POLD1: variants seen among roughly 807,000 people sequenced by gnomAD.
The protein encoded by POLD1 is DNA polymerase delta catalytic subunit.
In POLD1, 79 loss-of-function variants were observed where a neutral mutation model predicts 129.7. That is an observed-to-expected ratio of 0.61 (90% confidence interval 0.51 to 0.73). The LOEUF is 0.73. Among genes scored for constraint, POLD1 ranks in the 30% least tolerant of loss-of-function variants. POLD1 has a pLI of 0.00. For synonymous variants in POLD1, 714 were observed against 683.3 expected (o/e 1.04, Z -0.70); for missense variants, 1,338 against 1,595.8 (o/e 0.84, Z 2.75).
chr19:50,417,693 G>T, intron 26 of POLD1, 149 bp from the exon 27 acceptor site: 1 of 86,934 alleles, frequency 1.2e-5, no homozygotes, highest in Non-Finnish European at 2.7e-5. Flanking sequence ...CCCCCCCCGT[G>T]CCTGCTGAGC....
At chr19:50,386,339 T>C (rs976819704) in intron 1 of POLD1, among the ~76,000 whole-genome samples, 1 of 151,936 alleles carries the variant, frequency 6.6e-6, no homozygotes, top group Non-Finnish European at 1.5e-5. Flanking sequence ...GGTTTTGTCA[T>C]GTTGCCCAGA....
chr19:50,414,740 C>A, intron 19 of POLD1, 75 bp from the exon 20 acceptor site: 1 of 1,245,968 alleles, frequency 8.0e-7, no homozygotes, highest in Non-Finnish European at 1.1e-6. Flanking sequence ...TGTCTACCTT[C>A]AGTTTCTGGG....
intron 10 of POLD1, among the ~76,000 whole-genome samples, chr19:50,405,932 T>A (rs962433542): frequency 1.3e-5 from 2 of 152,098 alleles, no homozygotes; most frequent in African/African-American, 2.4e-5. Context: ...GGCTCCATCC[T>A]TGGCCCCCAG....
At chr19:50,392,165 G>C (rs2038198589) in intron 1 of POLD1, among the ~76,000 whole-genome samples, 1 of 152,156 alleles carries the variant, frequency 6.6e-6, no homozygotes, top group South Asian at 2.1e-4. Context: ...TCACCTCCCA[G>C]GTTCAAGTGA....
rs558292044 is a variant in POLD1, at chr19:50,417,676, CCCCCCA to C, written c.3219-160_3219-155del. On this transcript the variant is annotated intron_variant, in intron 26 of 26. Coordinates refer to ENST00000440232, the MANE Select transcript of POLD1 (RefSeq NM_002691.4). Reference sequence around the variant, plus strand: ...AGGCACCCGCTGTTATCGGCTCCCCCCCCCCACCCCCCCCGTGCCTGCTGAGCAAAC... The same window carrying C: ...AGGCACCCGCTGTTATCGGCTCCCCCCCCCCCCCGTGCCTGCTGAGCAAAC... 0.067 allele frequency among the ~76,000 whole-genome samples: 7,837 copies of C among 117,522 alleles called. 517 individuals are homozygous for C. Among genetic ancestry groups the C allele is most frequent in the South Asian group, 0.16 (517 of 3,170 alleles). The allele number at this position is 117,522 out of a possible 152,430, so 77.1% of individuals were successfully genotyped here.
chr19:50,407,179 G>C lies in POLD1; in HGVS notation c.1686+5G>C. 1 of 1,596,964 alleles carries C rather than the reference G, an allele frequency of 6.3e-7. No individual in the cohort carries two copies. Among genetic ancestry groups the C allele is most frequent in the Non-Finnish European group, 8.6e-7 (1 of 1,168,106 alleles). ...GTATCCCAGCTGTTGCGGCAGGTCA[G>C]TAGCCGAGACTTGTCCTCGCCACCC... On this transcript the variant is annotated splice_donor_5th_base_variant and intron_variant, in intron 13 of 26. Transcript: ENST00000440232.
intron 3 of POLD1, 74 bp downstream of exon 3, chr19:50,399,558 C>A: frequency 8.8e-7 from 1 of 1,137,032 alleles, no homozygotes; most frequent in Non-Finnish European, 1.3e-6. Context: ...GTCAGCCCCT[C>A]TGGCCCTGTG....
intron 17 of POLD1, among the ~76,000 whole-genome samples, chr19:50,411,631 G>C (rs944323975): frequency 7.9e-5 from 12 of 152,194 alleles, no homozygotes; most frequent in Non-Finnish European, 1.6e-4. Context: ...ACGAGGTCAG[G>C]AGTTCAAGAC....
chr19:50,416,591 C>G lies in POLD1; in HGVS notation c.2954-19C>G. 1 of 1,550,586 alleles carries G rather than the reference C, an allele frequency of 6.4e-7. No individual in the cohort carries two copies. The highest frequency in any genetic ancestry group is 1.9e-5 in the Admixed American group (1 of 51,838). ...GGCAGAGGAGATCACCGGCCCACCACCTGCCTCCTCTCCTGCAGGGGGGGA... is the reference window on the plus strand; with the variant it reads ...GGCAGAGGAGATCACCGGCCCACCAGCTGCCTCCTCTCCTGCAGGGGGGGA... On this transcript the variant is annotated intron_variant, in intron 23 of 26. Coordinates refer to ENST00000440232, the MANE Select transcript of POLD1 (RefSeq NM_002691.4).
chr19:50,396,833 C>A (rs149448900), intron 1 of POLD1, among the ~76,000 whole-genome samples: 1 of 151,900 alleles, frequency 6.6e-6, no homozygotes, highest in African/African-American at 2.4e-5. Flanking sequence ...TGGTGGCTTA[C>A]GCCTGTAATC....
chr19:50,406,450 C>T lies in POLD1; in HGVS notation c.1427C>T (p.Ala476Val). The T allele has an allele frequency of 6.3e-7, 1 of 1,599,516 alleles. No homozygotes were observed. Among genetic ancestry groups the T allele is most frequent in the East Asian group, 2.3e-5 (1 of 44,160 alleles). ...AAGCTCCGCTCCTACACGCTCAATG[C>T]CGTGAGCTTCCACTTCCTGGGCGAG... Reference protein sequence around the residue: ...EYKLRSYTLNAVSFHFLGEQK... With the variant: ...EYKLRSYTLNVVSFHFLGEQK... The change falls in exon 12 of 27, where the codon GCC (alanine) becomes GTC (valine). Residue 476 changes from alanine to valine, a missense_variant. Transcript: ENST00000440232. The surrounding 1 kb of genome is among the most constrained non-coding windows in gnomAD (Gnocchi z 5.5).
In POLD1 at chr19:50,413,434, G is replaced by A. The variant is rs763876339; in HGVS notation, c.2163G>A (p.Thr721=). 45 of 1,612,930 alleles carry A rather than the reference G, an allele frequency of 2.8e-5. No homozygotes were observed. The East Asian group carries it at 4.0e-4, about 14-fold the overall frequency. ...GATTCTCTCCCCGACAGAGCGTCACGGGGTTCGGACGTCAGATGATCGAGA... is the reference window on the plus strand; with the variant it reads ...GATTCTCTCCCCGACAGAGCGTCACAGGGTTCGGACGTCAGATGATCGAGA... ...LPCLEISQSV[T]GFGRQMIEKT... The change falls in exon 18 of 27, where the codon ACG becomes ACA. Residue 721 remains threonine (T), a synonymous_variant. Transcript: ENST00000440232.
chr19:50,402,669 C>T lies in POLD1; in HGVS notation c.898C>T (p.Pro300Ser), dbSNP rs767449295. The T allele has an allele frequency of 6.1e-5, 98 of 1,597,338 alleles. No homozygotes were observed. The highest frequency in any genetic ancestry group is 7.7e-5 in the Non-Finnish European group (90 of 1,171,192). ...GTGGTCTGACGTGGTCAGTCACCCA[C>T]CGGAAGGGCCATGGCAGCGCATTGC... ...VLWSDVVSHPPEGPWQRIAPL... is the reference protein window; with the variant it reads ...VLWSDVVSHPSEGPWQRIAPL... Residue 300 changes from proline (P) to serine (S), a missense_variant, in exon 8 of 27, where the codon CCG (proline) becomes TCG (serine). Transcript: ENST00000440232.
chr19:50,403,048 C>CG lies in POLD1; in HGVS notation c.971-4dup, dbSNP rs1555790379. The stretch of plus-strand genomic sequence containing the variant: ...GTCAGGCCCCTGCATCCTCCTGCCT[C>CG]GCAGGCATCTTCCCTGAGCCTGAGC... On this transcript the variant is annotated splice_polypyrimidine_tract_variant and splice_region_variant and intron_variant, in intron 8 of 26. Transcript: ENST00000440232. The CG allele has an allele frequency of 1.9e-6, 3 of 1,555,368 alleles. No individual in the cohort carries two copies. Among genetic ancestry groups the CG allele is most frequent in the Admixed American group, 1.9e-5 (1 of 51,570 alleles).
rs1060501802 is a variant in POLD1 at position 50,417,106 on chromosome 19, G to A, written c.3120+9G>A. ...AGCTGTATCAGAAGGAGGTGAGAGG[G>A]CCGGGAGGTGAGGAGGGGCCAGGTG... On this transcript the variant is annotated intron_variant, in intron 25 of 26. Transcript: ENST00000440232. 1.3e-6 allele frequency: 2 copies of A among 1,562,862 alleles called. No individual in the cohort carries two copies. The highest frequency in any genetic ancestry group is 1.7e-6 in the Non-Finnish European group (2 of 1,153,162).
chr19:50,391,530 C>T (rs1411624456), intron 1 of POLD1, among the ~76,000 whole-genome samples: 3 of 152,162 alleles, frequency 2.0e-5, no homozygotes, highest in Non-Finnish European at 4.4e-5. Context: ...ACCCCGTCTC[C>T]ACCAAAAAAT....
rs759861508 is a variant in POLD1, at chr19:50,407,350, G to T, written c.1710G>T (p.Met570Ile). The T allele has an allele frequency of 6.2e-7, 1 of 1,613,018 alleles. No homozygotes were observed. The highest frequency in any genetic ancestry group is 1.1e-5 in the South Asian group (1 of 90,988). ...AGGCCATGCACGAGGGGCTGCTGAT[G>T]CCCGTGGTGAAGTCAGAGGGCGGCG... ...LRQAMHEGLL[M>I]PVVKSEGGED... Residue 570 changes from methionine to isoleucine, a missense_variant, in exon 14 of 27, where the codon ATG (methionine) becomes ATT (isoleucine). Physicochemically the swap from Met to Ile is conservative, Grantham distance 10. Coordinates refer to ENST00000440232, the MANE Select transcript of POLD1 (RefSeq NM_002691.4).
intron 3 of POLD1, among the ~76,000 whole-genome samples, chr19:50,400,133 A>ATTTTTTTTTTTTTTTTTT (rs71182715): frequency 2.1e-5 from 1 of 48,154 alleles, no homozygotes; most frequent in African/African-American, 5.8e-5. Context: ...TTTTTAAAAG[A>ATTTTTTTTTTTTTTTTTT]TTTTTTTTTT....
Position 50,414,824 on chromosome 19 carries a change from C to G in POLD1, c.2398C>G (p.Pro800Ala). ...CATGGCTCCCTCCCAGGTCTACTTC[C>G]CATACCTGCTTATCAGCAAGAAGCG... is the stretch of plus-strand genomic sequence containing the variant. ...IRLEFEKVYF[P>A]YLLISKKRYA... The change falls in exon 20 of 27, where the codon CCA (proline) becomes GCA (alanine). Residue 800 changes from proline to alanine, a missense_variant. By Grantham distance (27) the Pro-to-Ala change is conservative (BLOSUM62 -1). Coordinates refer to ENST00000440232, the MANE Select transcript of POLD1 (RefSeq NM_002691.4). The G allele has an allele frequency of 6.3e-7, 1 of 1,578,338 alleles. No individual in the cohort carries two copies. The highest frequency in any genetic ancestry group is 8.6e-7 in the Non-Finnish European group (1 of 1,159,046).
Sources: allele counts gnomAD v4.1 joint callset (sites outside exome capture counted in the v4.1 genomes callset), GRCh38; gene constraint gnomAD v4.1.1; non-coding constraint Gnocchi (gnomAD v3.1); transcripts MANE v1.5; gene names NCBI Gene and HGNC (gene_info 2026-07-23, HGNC 2026-07-21).